GALNTL6: variants seen among roughly 807,000 people sequenced by gnomAD.
GALNTL6 encodes polypeptide N-acetylgalactosaminyltransferase-like 6.
Under a neutral mutation model 73.7 loss-of-function variants are expected in GALNTL6, and 46 were observed. The ratio of observed to expected loss-of-function variants is 0.62; its 90% CI spans 0.49 to 0.80. GALNTL6 has a LOEUF of 0.80. GALNTL6 is among the 30% of genes least tolerant of loss of function. The pLI is 0.00. For synonymous variants in GALNTL6, 259 were observed against 263.7 expected (o/e 0.98, Z 0.17); for missense variants, 604 against 755.0 (o/e 0.80, Z 2.34).
chr4:172,792,732 G>C (rs1384362101), intron 5 of GALNTL6, among the ~76,000 whole-genome samples: 2 of 142,890 alleles, frequency 1.4e-5, no homozygotes, highest in African/African-American at 5.2e-5. Context: ...TTTATTGCTT[G>C]GCTGAGTGTT....
intron 5 of GALNTL6, among the ~76,000 whole-genome samples, chr4:172,452,898 A>T (rs1732260920): frequency 1.3e-5 from 2 of 152,200 alleles, no homozygotes; most frequent in African/African-American, 4.8e-5. Context: ...AAATTAAATG[A>T]TTATGTAATG....
intron 2 of GALNTL6, among the ~76,000 whole-genome samples, chr4:172,049,173 A>T (rs1001363472): frequency 6.6e-6 from 1 of 152,166 alleles, no homozygotes; most frequent in Admixed American, 6.5e-5. Context: ...ATCATAAATT[A>T]TATATTTCTT....
Position 172,459,701 on chromosome 4 carries a change from A to G in GALNTL6, c.553+111012A>G, listed in dbSNP as rs1233551590. 3.3e-5 allele frequency among the ~76,000 whole-genome samples: 5 copies of G among 152,204 alleles called. 1 individual carries two copies. The highest frequency in any genetic ancestry group is 6.5e-5 in the Admixed American group (1 of 15,274). On this transcript the variant is annotated intron_variant, in intron 5 of 12. Transcript: ENST00000506823. ...AGGGAGAACTACAAACCACTGCTCA[A>G]GGAAATAAGAGAGGACTCAAACAAA...
At chr4:172,455,755 G>A (rs1450812681) in intron 5 of GALNTL6, among the ~76,000 whole-genome samples, 5 of 152,162 alleles carry the variant, frequency 3.3e-5, no homozygotes, top group African/African-American at 4.8e-5. Context: ...AGGGGAGGGG[G>A]CAGCTGTGCA....
rs200238544 is a variant in GALNTL6 at position 171,988,834 on chromosome 4, C to T, written c.138+174116C>T. On this transcript the variant is annotated intron_variant, in intron 2 of 12. Transcript: ENST00000506823. ...AATAGGATGGTAAGGGGGGCATGAT[C>T]GGTCGCTAAGGAGGGAGTAGAGGTG... is the stretch of plus-strand genomic sequence containing the variant. Among the ~76,000 whole-genome samples the T allele has an allele frequency of 5.9e-4, 89 of 151,888 alleles. No homozygotes were observed. In the East Asian group the frequency reaches 0.013, roughly 22 times the overall value.
chr4:172,567,513 T>C (rs187517583), intron 5 of GALNTL6, among the ~76,000 whole-genome samples: 5 of 152,268 alleles, frequency 3.3e-5, no homozygotes, highest in Non-Finnish European at 7.4e-5. Flanking sequence ...TTTTCTAATA[T>C]GTATCAAAAA....
intron 7 of GALNTL6, among the ~76,000 whole-genome samples, chr4:172,852,823 C>T (rs1483103549): frequency 6.6e-6 from 1 of 151,918 alleles, no homozygotes; most frequent in African/African-American, 2.4e-5. Context: ...AGAATGAGTA[C>T]CAAAAATGAT....
chr4:171,823,952 A>C (rs1734753315), intron 2 of GALNTL6, among the ~76,000 whole-genome samples: 2 of 150,838 alleles, frequency 1.3e-5, no homozygotes, highest in South Asian at 4.2e-4. Context: ...GATTATAATA[A>C]AACAACAATA....
At chr4:172,772,962 G>A (rs1275923975) in intron 5 of GALNTL6, among the ~76,000 whole-genome samples, 1 of 152,188 alleles carries the variant, frequency 6.6e-6, no homozygotes, top group Non-Finnish European at 1.5e-5. Context: ...GAGTGACATG[G>A]CCACAAGCCA....
At chr4:172,245,403 T>TA (rs1279698477) in intron 3 of GALNTL6, among the ~76,000 whole-genome samples, 2 of 152,160 alleles carry the variant, frequency 1.3e-5, no homozygotes, top group Non-Finnish European at 2.9e-5. Flanking sequence ...AAGTCATCCT[T>TA]ACATTTAGAG....
At position 171,830,378 on chromosome 4, in the gene GALNTL6, T is replaced by A. The variant is rs563240223; in HGVS notation, c.138+15660T>A. ...AATTGTCTATCTTTTTTCCTCTTTT[T>A]ACTTAGAGTGCTTAGCATTATCTGA... is the stretch of plus-strand genomic sequence containing the variant. On this transcript the variant is annotated intron_variant, in intron 2 of 12. Coordinates refer to ENST00000506823, the MANE Select transcript of GALNTL6 (RefSeq NM_001034845.3). 3.3e-5 allele frequency among the ~76,000 whole-genome samples: 5 copies of A among 152,314 alleles called. No homozygotes were observed. The South Asian group carries it at 1.0e-3, about 32-fold the overall frequency.
intron 2 of GALNTL6, among the ~76,000 whole-genome samples, chr4:172,174,654 G>C (rs1212191186): frequency 6.6e-6 from 1 of 152,060 alleles, no homozygotes; most frequent in Non-Finnish European, 1.5e-5. Flanking sequence ...TATTTTATTG[G>C]ATGGAGTTTA....
chr4:172,410,270 A>G (rs1261438858), intron 5 of GALNTL6, among the ~76,000 whole-genome samples: 1 of 152,056 alleles, frequency 6.6e-6, no homozygotes, highest in Non-Finnish European at 1.5e-5. Context: ...AATAAAATTT[A>G]CCATCTTAAC....
chr4:172,002,654 T>A (rs1417206944), intron 2 of GALNTL6, among the ~76,000 whole-genome samples: 1 of 152,140 alleles, frequency 6.6e-6, no homozygotes, highest in African/African-American at 2.4e-5. Flanking sequence ...AGCTACACAG[T>A]CTTGGGTTCG....
intron 5 of GALNTL6, among the ~76,000 whole-genome samples, chr4:172,759,178 T>C (rs1737923825): frequency 6.6e-6 from 1 of 152,176 alleles, no homozygotes; most frequent in African/African-American, 2.4e-5. Flanking sequence ...ACTCACCCAC[T>C]TACCAAGCCC....
chr4:172,293,582 C>G (rs974014324), intron 3 of GALNTL6, among the ~76,000 whole-genome samples: 1 of 152,016 alleles, frequency 6.6e-6, no homozygotes, highest in Admixed American at 6.6e-5. Context: ...ACAGGAAACA[C>G]CAGCACTGAC....
intron 7 of GALNTL6, among the ~76,000 whole-genome samples, chr4:172,848,415 T>C (rs1375779726): frequency 2.0e-5 from 3 of 152,200 alleles, no homozygotes; most frequent in Non-Finnish European, 4.4e-5. Flanking sequence ...ATATAAATAT[T>C]TTCAGAAAGC....
chr4:172,335,012 G>A (rs867079794), intron 4 of GALNTL6, among the ~76,000 whole-genome samples: 36 of 145,666 alleles, frequency 2.5e-4, no homozygotes, highest in Admixed American at 1.9e-3. Flanking sequence ...ACAGAGTCTC[G>A]CTCTGTCGCC....
chr4:172,635,305 A>C (rs191055667), intron 5 of GALNTL6, among the ~76,000 whole-genome samples: 1 of 152,278 alleles, frequency 6.6e-6, no homozygotes, highest in Non-Finnish European at 1.5e-5. Context: ...TGTTTATTTC[A>C]AATTTAATTC....
Sources: allele counts gnomAD v4.1 joint callset (sites outside exome capture counted in the v4.1 genomes callset), GRCh38; gene constraint gnomAD v4.1.1; transcripts MANE v1.5; gene names NCBI Gene and HGNC (gene_info 2026-07-23, HGNC 2026-07-21).